The following RBFOX3 variants were observed in gnomAD, a reference collection of about 807,000 sequenced individuals.
RBFOX3 encodes RNA binding fox-1 homolog 3, also known as RNA binding protein fox-1 homolog 3.
Under a neutral mutation model 48.7 loss-of-function variants are expected in RBFOX3, and 17 were observed. The observed-to-expected ratio is 0.35, with a 90% confidence interval of 0.24 to 0.52. RBFOX3 has a LOEUF of 0.52. RBFOX3 is among the 20% of genes least tolerant of loss of function. RBFOX3 has a pLI of 0.94. For missense variants in RBFOX3, 382 were observed against 497.5 expected (o/e 0.77, Z 2.21); for synonymous variants, 212 against 209.5 (o/e 1.01, Z -0.10).
the RBFOX3 span, among the ~76,000 whole-genome samples, chr17:79,664,086 G>T: frequency 1.3e-5 from 2 of 152,182 alleles, no homozygotes; most frequent in East Asian, 3.8e-4. Flanking sequence ...CTCTGCTCGG[G>T]TGGGAGAAGG....
In RBFOX3 at chr17:79,302,523, T is replaced by C. The variant is rs376462007; in HGVS notation, c.-74+5201A>G. Among the ~76,000 whole-genome samples, 7 of 152,190 alleles carry C rather than the reference T, an allele frequency of 4.6e-5. No homozygotes were observed. The South Asian group carries it at 1.5e-3, about 32-fold the overall frequency. ...GGTGAAACCCCTTCTCTACTAAAAA[T>C]ACAAAAAATTAGCTGGGCGTGGTGG... On this transcript the variant is annotated intron_variant, in intron 3 of 14. Transcript: ENST00000693108.
intron 4 of RBFOX3, among the ~76,000 whole-genome samples, chr17:79,153,599 A>T (rs2045084025): frequency 6.6e-6 from 1 of 152,154 alleles, no homozygotes; most frequent in Non-Finnish European, 1.5e-5. Context: ...AGCACTGAGA[A>T]CACCAAGCTC....
rs146181939 is a variant in RBFOX3 at position 79,387,190 on chromosome 17, T to C, written c.-174-79366A>G. On this transcript the variant is annotated intron_variant, in intron 2 of 14. Transcript: ENST00000693108. ...GCATGGGGTCTGGCCACACTCATGCTTACACACAGCATTTCCACTGCGTGA... is the reference window on the plus strand; with the variant it reads ...GCATGGGGTCTGGCCACACTCATGCCTACACACAGCATTTCCACTGCGTGA... 1.6e-3 allele frequency among the ~76,000 whole-genome samples: 241 copies of C among 152,330 alleles called. 1 individual carries two copies. The highest frequency in any genetic ancestry group is 0.015 in the South Asian group (73 of 4,826).
intron 2 of RBFOX3, among the ~76,000 whole-genome samples, chr17:79,465,170 C>T (rs2076148790): frequency 6.6e-6 from 1 of 152,216 alleles, no homozygotes; most frequent in Non-Finnish European, 1.5e-5. Context: ...CGCACCACGA[C>T]CTTGGCTTCC....
At chr17:79,213,236 T>A (rs2058608457) in intron 4 of RBFOX3, among the ~76,000 whole-genome samples, 1 of 152,068 alleles carries the variant, frequency 6.6e-6, no homozygotes, top group Admixed American at 6.6e-5. Context: ...GGGTTGAGGG[T>A]CAAGGGTTTA....
Position 79,313,291 on chromosome 17 carries a change from G to C in RBFOX3, c.-174-5467C>G, listed in dbSNP as rs1057167689. 9.8e-5 allele frequency among the ~76,000 whole-genome samples: 15 copies of C among 152,316 alleles called. No homozygotes were observed. The East Asian group carries it at 2.9e-3, about 29-fold the overall frequency. ...CGACCTGGCTCCAGGGGCTTTCTTA[G>C]TGAAGTGCCAAAGATGGGATGGATG... On this transcript the variant is annotated intron_variant, in intron 2 of 14. Transcript: ENST00000693108.
chr17:79,095,650 A>G (rs2075078322), intron 12 of RBFOX3, 76 bp from the exon 13 acceptor site: 1 of 1,327,772 alleles, frequency 7.5e-7, no homozygotes, highest in Non-Finnish European at 1.1e-6. Flanking sequence ...TGGGGAGAGG[A>G]GACAGACCCT....
rs184677799 is a variant in RBFOX3 at position 79,542,263 on chromosome 17, G to C, written c.-319-59665C>G. Among the ~76,000 whole-genome samples the C allele has an allele frequency of 9.8e-5, 15 of 152,324 alleles. No homozygotes were observed. The South Asian group carries it at 2.1e-3, about 21-fold the overall frequency. On this transcript the variant is annotated intron_variant, in intron 1 of 14. Transcript: ENST00000693108. ...GCTCAGGGGTCTCTCCCAAAAGGCAGCGGCTTCACCCTCCCTGGCTGCCCT... is the reference window on the plus strand; with the variant it reads ...GCTCAGGGGTCTCTCCCAAAAGGCACCGGCTTCACCCTCCCTGGCTGCCCT...
the RBFOX3 span, among the ~76,000 whole-genome samples, chr17:79,635,732 C>A: frequency 6.6e-6 from 1 of 152,012 alleles, no homozygotes; most frequent in African/African-American, 2.4e-5. Context: ...CAAAAAGTTA[C>A]GGCAAATTAA....
chr17:79,211,522 G>A (rs1393750083), intron 4 of RBFOX3, among the ~76,000 whole-genome samples: 7 of 152,216 alleles, frequency 4.6e-5, no homozygotes, highest in Admixed American at 1.3e-4. Context: ...CCAGGTGGAC[G>A]CTGGCGTGCA....
At chr17:79,353,492 G>T (rs572829247) in intron 2 of RBFOX3, among the ~76,000 whole-genome samples, 1 of 152,224 alleles carries the variant, frequency 6.6e-6, no homozygotes, top group Non-Finnish European at 1.5e-5. Context: ...TTAGCTTACA[G>T]AATTTCTGGG....
At chr17:79,511,664 C>A (rs530086579) in intron 1 of RBFOX3, among the ~76,000 whole-genome samples, 1,656 of 152,180 alleles carry the variant, frequency 0.011, 12 homozygotes, top group Admixed American at 0.016. Context: ...GGCCAGGGGA[C>A]ACCCACCCGG....
At chr17:79,095,019 T>C (rs72634307) in intron 13 of RBFOX3, among the ~76,000 whole-genome samples, 6,304 of 151,962 alleles carry the variant, frequency 0.041, 317 homozygotes, top group East Asian at 0.22. Flanking sequence ...CTCAGCTCCT[T>C]AGAGAGCAGA....
intron 4 of RBFOX3, among the ~76,000 whole-genome samples, chr17:79,209,393 G>A (rs1372004660): frequency 1.3e-5 from 2 of 152,248 alleles, no homozygotes; most frequent in Non-Finnish European, 2.9e-5. Flanking sequence ...CTCCAGGGCT[G>A]AGTGTGGCAG....
chr17:79,495,434 G>A (rs1327111018), intron 1 of RBFOX3, among the ~76,000 whole-genome samples: 2 of 49,510 alleles, frequency 4.0e-5, no homozygotes, highest in Non-Finnish European at 7.9e-5. Context: ...ACAGGGGGTG[G>A]AGGTGTGGGG....
the RBFOX3 span, among the ~76,000 whole-genome samples, chr17:79,665,214 C>T: frequency 3.3e-5 from 5 of 152,238 alleles, no homozygotes; most frequent in African/African-American, 1.2e-4. Flanking sequence ...GCTCTCGAGA[C>T]TCTATCAGAA....
At chr17:79,145,111 G>A (rs1055859521) in intron 4 of RBFOX3, among the ~76,000 whole-genome samples, 18 of 152,246 alleles carry the variant, frequency 1.2e-4, no homozygotes, top group African/African-American at 3.9e-4. Flanking sequence ...GGAGATCAGG[G>A]GAAACTGAGA....
At chr17:79,458,737 G>A (rs1457140579) in intron 2 of RBFOX3, among the ~76,000 whole-genome samples, 1 of 152,148 alleles carries the variant, frequency 6.6e-6, no homozygotes. Context: ...ATTTCCTGGT[G>A]TCCGGGGACT....
chr17:79,334,335 C>T (rs1171815193), intron 2 of RBFOX3, among the ~76,000 whole-genome samples: 1 of 152,170 alleles, frequency 6.6e-6, no homozygotes, highest in African/African-American at 2.4e-5. Flanking sequence ...TGCATGGCAT[C>T]CAGACAACAA....
Sources: allele counts gnomAD v4.1 joint callset (sites outside exome capture counted in the v4.1 genomes callset), GRCh38; gene constraint gnomAD v4.1.1; transcripts MANE v1.5; gene names NCBI Gene and HGNC (gene_info 2026-07-23, HGNC 2026-07-21).